The following PHACTR3 variants were observed in gnomAD, a reference collection of about 807,000 sequenced individuals.
PHACTR3 encodes phosphatase and actin regulator 3, also known as protein phosphatase 1, regulatory subunit 123.
Under a neutral mutation model 66.8 loss-of-function variants are expected in PHACTR3, and 16 were observed. The ratio of observed to expected loss-of-function variants is 0.24; its 90% CI spans 0.16 to 0.36. PHACTR3 has a LOEUF of 0.36. Among genes scored for constraint, PHACTR3 ranks in the 10% least tolerant of loss-of-function variants. PHACTR3 has a pLI of 1.00. For synonymous variants in PHACTR3, 323 were observed against 292.1 expected (o/e 1.11, Z -1.08); for missense variants, 647 against 719.9 (o/e 0.90, Z 1.16).
At chr20:59,823,574 C>G (rs893106620) in intron 8 of PHACTR3, among the ~76,000 whole-genome samples, 2 of 152,234 alleles carry the variant, frequency 1.3e-5, no homozygotes, top group African/African-American at 4.8e-5. Context: ...GAAGGATCTA[C>G]CAACTTAAGT....
At chr20:59,783,011 A>G (rs182259676) in intron 7 of PHACTR3, among the ~76,000 whole-genome samples, 5 of 152,248 alleles carry the variant, frequency 3.3e-5, no homozygotes, top group African/African-American at 9.6e-5. Flanking sequence ...AGTGAATGCT[A>G]ACGTGTTATT....
intron 9 of PHACTR3, among the ~76,000 whole-genome samples, chr20:59,839,820 T>C (rs1218751551): frequency 6.6e-6 from 1 of 152,336 alleles, no homozygotes; most frequent in East Asian, 1.9e-4. Flanking sequence ...GTGTTAAGAT[T>C]TGAAATATAG....
chr20:59,809,902 G>A (rs1022263361), intron 8 of PHACTR3, among the ~76,000 whole-genome samples: 1 of 152,150 alleles, frequency 6.6e-6, no homozygotes, highest in African/African-American at 2.4e-5. Flanking sequence ...GCTGACCCCT[G>A]ATGTGCTTTA....
At chr20:59,655,237 G>A (rs986720743) in intron 1 of PHACTR3, among the ~76,000 whole-genome samples, 3 of 151,990 alleles carry the variant, frequency 2.0e-5, no homozygotes, top group Admixed American at 2.0e-4. Flanking sequence ...AGGCTGATAT[G>A]AAATGGTATC....
At chr20:59,578,064 C>T (rs927167) in intron 1 of PHACTR3, among the ~76,000 whole-genome samples, 63,390 of 152,098 alleles carry the variant, frequency 0.42, 15,500 homozygotes, top group East Asian at 0.69. Context: ...CTTGATCGCC[C>T]TTCTTCCCCA....
intron 7 of PHACTR3, among the ~76,000 whole-genome samples, chr20:59,805,347 C>T (rs147249308): frequency 1.3e-4 from 20 of 152,366 alleles, no homozygotes; most frequent in African/African-American, 4.8e-4. Context: ...GATCTGCCAT[C>T]TCCACACCCT....
intron 8 of PHACTR3, among the ~76,000 whole-genome samples, chr20:59,823,148 A>G (rs1026567848): frequency 6.6e-6 from 1 of 152,144 alleles, no homozygotes; most frequent in Non-Finnish European, 1.5e-5. Context: ...TCCATTTTCA[A>G]AATTTGAAGA....
At chr20:59,782,926 T>C (rs1402114420) in intron 7 of PHACTR3, among the ~76,000 whole-genome samples, 3 of 152,254 alleles carry the variant, frequency 2.0e-5, no homozygotes, top group Non-Finnish European at 4.4e-5. Context: ...AGGCAGTTCC[T>C]GGTACTGTCT....
At chr20:59,695,586 T>C (rs1295791300) in intron 1 of PHACTR3, among the ~76,000 whole-genome samples, 2 of 152,230 alleles carry the variant, frequency 1.3e-5, no homozygotes, top group South Asian at 2.1e-4. Flanking sequence ...TGCTGTATCT[T>C]GGGTTTTTAA....
intron 2 of PHACTR3, among the ~76,000 whole-genome samples, chr20:59,744,699 A>C (rs2146775425): frequency 6.6e-6 from 1 of 152,316 alleles, no homozygotes; most frequent in East Asian, 1.9e-4. Context: ...CCAACCAAGA[A>C]GTTGATAGAT....
intron 4 of PHACTR3, 152 bp downstream of exon 4, chr20:59,755,516 GC>G (rs1256987454): frequency 2.2e-6 from 2 of 903,374 alleles, no homozygotes; most frequent in Non-Finnish European, 3.3e-6. Flanking sequence ...ATGCTGTGCT[GC>G]CTGGCTGGGT....
chr20:59,842,273 G>A (rs1226516739), intron 11 of PHACTR3, among the ~76,000 whole-genome samples: 1 of 152,196 alleles, frequency 6.6e-6, no homozygotes, highest in African/African-American at 2.4e-5. Flanking sequence ...TTAATTTTCA[G>A]AAGACTTAAA....
intron 8 of PHACTR3, among the ~76,000 whole-genome samples, chr20:59,817,541 C>A (rs77557577): frequency 2.0e-5 from 3 of 152,234 alleles, no homozygotes; most frequent in Non-Finnish European, 4.4e-5. Context: ...CCACAGGAGG[C>A]GGGTGGGGGA....
Position 59,732,022 on chromosome 20 carries a change from C to T in PHACTR3, c.119-11085C>T, listed in dbSNP as rs181901334. On this transcript the variant is annotated intron_variant, in intron 1 of 12. Coordinates refer to ENST00000371015, the MANE Select transcript of PHACTR3 (RefSeq NM_080672.5). ...AGTCTAGGCAGCAAGGTGTAAATAG[C>T]GGTTGTCTGATAGGTCTGTTTAGGA... 9.9e-5 allele frequency among the ~76,000 whole-genome samples: 15 copies of T among 152,272 alleles called. 1 individual carries two copies. Among genetic ancestry groups the T allele is most frequent in the Admixed American group, 4.6e-4 (7 of 15,304 alleles).
intron 11 of PHACTR3, among the ~76,000 whole-genome samples, chr20:59,843,004 A>G (rs1250310306): frequency 2.0e-5 from 3 of 152,150 alleles, no homozygotes; most frequent in African/African-American, 7.2e-5. Context: ...AAAAACTTAG[A>G]TCTGATAAAT....
At chr20:59,675,295 G>A (rs1164554633) in intron 1 of PHACTR3, among the ~76,000 whole-genome samples, 2 of 151,858 alleles carry the variant, frequency 1.3e-5, no homozygotes, top group Non-Finnish European at 2.9e-5. Flanking sequence ...CCATCCCTGG[G>A]GAAGGGTACC....
chr20:59,655,726 G>C (rs563731019), intron 1 of PHACTR3, among the ~76,000 whole-genome samples: 1 of 151,272 alleles, frequency 6.6e-6, no homozygotes, highest in African/African-American at 2.4e-5. Flanking sequence ...TACTCTTTTC[G>C]AGTGGAGGAT....
chr20:59,736,820 G>A lies in PHACTR3; in HGVS notation c.119-6287G>A, dbSNP rs2038962041. The stretch of plus-strand genomic sequence containing the variant: ...CATAGCTCTCACAAGCCCTCCCCTG[G>A]CACAGTCCTGGGCTTGAGCCACCCC... On this transcript the variant is annotated intron_variant, in intron 1 of 12. Transcript: ENST00000371015. This position sits in a 1 kb window ranked among gnomAD's most constrained non-coding sequence, Gnocchi z 4.6. 6.6e-6 allele frequency among the ~76,000 whole-genome samples: 1 copy of A among 152,068 alleles called. No individual in the cohort carries two copies. The highest frequency in any genetic ancestry group is 1.5e-5 in the Non-Finnish European group (1 of 67,992).
At position 59,829,833 on chromosome 20, in the gene PHACTR3, C is replaced by T. The variant is rs147605104; in HGVS notation, c.1329-6672C>T. On this transcript the variant is annotated intron_variant, in intron 8 of 12. Transcript: ENST00000371015. The surrounding 1 kb of genome is among the most constrained non-coding windows in gnomAD (Gnocchi z 4.2). Reference sequence around the variant, plus strand: ...ACTGAGGTGACTTTAGATGTTGATTCAAACCTTTTCTGTGACATCTGTGCT... The same window carrying T: ...ACTGAGGTGACTTTAGATGTTGATTTAAACCTTTTCTGTGACATCTGTGCT... Among the ~76,000 whole-genome samples, 163 of 152,348 alleles carry T rather than the reference C, an allele frequency of 1.1e-3. 1 individual carries two copies. Among genetic ancestry groups the T allele is most frequent in the African/African-American group, 3.7e-3 (152 of 41,562 alleles).
Sources: allele counts gnomAD v4.1 joint callset (sites outside exome capture counted in the v4.1 genomes callset), GRCh38; gene constraint gnomAD v4.1.1; non-coding constraint Gnocchi (gnomAD v3.1); transcripts MANE v1.5; gene names NCBI Gene and HGNC (gene_info 2026-07-23, HGNC 2026-07-21).